STAB2: variants seen among roughly 807,000 people sequenced by gnomAD.
STAB2 encodes the protein stabilin-2.
In STAB2, 288 loss-of-function variants were observed where a neutral mutation model predicts 338.1. That is an observed-to-expected ratio of 0.85 (90% CI 0.77 to 0.94). STAB2 has a LOEUF of 0.94. STAB2 is among the 40% of genes least tolerant of loss of function. The probability of loss-of-function intolerance (pLI) is 0.00; values close to 1 mark genes in which losing one functional copy is unlikely to be tolerated. For synonymous variants in STAB2, 1,202 were observed against 1,193.3 expected, an observed-to-expected ratio of 1.01 and a Z score of -0.15; for missense variants, 3,141 against 3,210.1, an observed-to-expected ratio of 0.98 and a Z score of 0.52.
intron 3 of STAB2, among the ~76,000 whole-genome samples, chr12:103,603,101 C>T (rs1004592557): frequency 2.0e-5 from 3 of 152,134 alleles, no homozygotes; most frequent in Middle Eastern, 3.4e-3. Context: ...GATGGAGTCT[C>T]GCTCTGTTGC....
chr12:103,656,614 T>C (rs1460346360), intron 15 of STAB2, among the ~76,000 whole-genome samples: 3 of 152,168 alleles, frequency 2.0e-5, no homozygotes, highest in Admixed American at 2.0e-4. Flanking sequence ...CACATAGATA[T>C]ATATCCCTTT....
intron 8 of STAB2, among the ~76,000 whole-genome samples, chr12:103,639,720 A>G (rs1421151036): frequency 6.6e-6 from 1 of 151,918 alleles, no homozygotes; most frequent in East Asian, 1.9e-4. Context: ...AAAAAAAAAA[A>G]AAAAAACACT....
chr12:103,713,718 G>A lies in STAB2; in HGVS notation c.4487G>A (p.Arg1496Gln), dbSNP rs141685549. ...ADCKRTTPGR[R>Q]VCTCKAGYTG... ...TGTAAGAGAACCACCCCAGGAAGGC[G>A]AGTGTGCACGTGCAAAGCAGGCTAC... Residue 1496 changes from arginine to glutamine, a missense_variant, in exon 42 of 69, where the codon CGA becomes CAA. Transcript: ENST00000388887. The A allele has an allele frequency of 2.4e-5, 38 of 1,614,086 alleles. No individual in the cohort carries two copies. Among genetic ancestry groups the A allele is most frequent in the African/African-American group, 8.0e-5 (6 of 75,040 alleles).
At chr12:103,690,343 A>G (rs1877817557) in intron 29 of STAB2, 81 bp from the exon 30 acceptor site, 6 of 1,243,690 alleles carry the variant, frequency 4.8e-6, no homozygotes, top group Non-Finnish European at 5.7e-6. Flanking sequence ...ATCTGGCTCC[A>G]GAGCCTATTC....
At chr12:103,670,055 C>T (rs553278638) in intron 21 of STAB2, among the ~76,000 whole-genome samples, 14 of 152,314 alleles carry the variant, frequency 9.2e-5, no homozygotes, top group African/African-American at 3.4e-4. Flanking sequence ...AAACTTAACT[C>T]ATCTAGCTTG....
chr12:103,683,608 T>G (rs1034129624), intron 26 of STAB2, among the ~76,000 whole-genome samples: 3 of 152,242 alleles, frequency 2.0e-5, no homozygotes, highest in Non-Finnish European at 4.4e-5. Context: ...ATTACTCATT[T>G]TTCACCTAAA....
intron 19 of STAB2, among the ~76,000 whole-genome samples, chr12:103,668,309 G>A (rs549443793): frequency 2.6e-5 from 4 of 152,334 alleles, no homozygotes; most frequent in Admixed American, 2.0e-4. Flanking sequence ...TCTTAGGGAT[G>A]GCTATAGATC....
At chr12:103,711,080 A>C (rs985798571) in intron 39 of STAB2, among the ~76,000 whole-genome samples, 4 of 152,242 alleles carry the variant, frequency 2.6e-5, no homozygotes, top group African/African-American at 9.6e-5. Flanking sequence ...CCGGGAATAA[A>C]GTTAGGAATA....
Position 103,667,520 on chromosome 12 carries a change from C to A in STAB2, c.2086-1123C>A, listed in dbSNP as rs1172583046. On this transcript the variant is annotated intron_variant, in intron 19 of 68. Coordinates refer to ENST00000388887, the MANE Select transcript of STAB2 (RefSeq NM_017564.10). ...TGTTTAATCACCATTCTATGATTGTCTCAGCCCAGGGAAAGAGAAGGAAGA... is the reference window on the plus strand; with the variant it reads ...TGTTTAATCACCATTCTATGATTGTATCAGCCCAGGGAAAGAGAAGGAAGA... Among the ~76,000 whole-genome samples, 3 of 151,932 alleles carry A rather than the reference C, an allele frequency of 2.0e-5. No homozygotes were observed. The South Asian group carries it at 6.2e-4, about 31-fold the overall frequency.
intron 57 of STAB2, 151 bp downstream of exon 57, chr12:103,745,428 G>A (rs562947985): frequency 6.6e-5 from 44 of 662,714 alleles, no homozygotes; most frequent in African/African-American, 1.9e-4. Context: ...CTGTAGCCCC[G>A]GGCCTCAGGA....
chr12:103,657,220 G>T (rs1427091713), intron 15 of STAB2, among the ~76,000 whole-genome samples: 1 of 95,632 alleles, frequency 1.0e-5, no homozygotes, highest in African/African-American at 4.4e-5. Flanking sequence ...CATACTTAAA[G>T]TGAGCTAAAA....
chr12:103,624,678 C>T (rs574770274), intron 5 of STAB2, among the ~76,000 whole-genome samples: 6 of 152,296 alleles, frequency 3.9e-5, no homozygotes, highest in South Asian at 2.1e-4. Context: ...CAGTGGCTCA[C>T]GCCTGTAATC....
rs1177063289 is a variant in STAB2 at position 103,670,812 on chromosome 12, G to T, written c.2371+5G>T. On this transcript the variant is annotated splice_donor_5th_base_variant and intron_variant, in intron 22 of 68. Coordinates refer to ENST00000388887, the MANE Select transcript of STAB2 (RefSeq NM_017564.10). ...ACGGACCTCGGTGTAACAAAAGTAAGTGGCACTTCCAGAGCTTCCTTCCAC... is the reference window on the plus strand; with the variant it reads ...ACGGACCTCGGTGTAACAAAAGTAATTGGCACTTCCAGAGCTTCCTTCCAC... 2.5e-6 allele frequency: 4 copies of T among 1,611,306 alleles called. No homozygotes were observed. The Middle Eastern group carries it at 5.0e-4, about 200-fold the overall frequency.
intron 17 of STAB2, 73 bp downstream of exon 17, chr12:103,660,836 A>T (rs1874549481): frequency 6.7e-7 from 1 of 1,483,486 alleles, no homozygotes; most frequent in African/African-American, 1.4e-5. Context: ...TCATCAGGTT[A>T]TCCTGCCTCT....
In STAB2 at chr12:103,735,513, C is replaced by T. The variant is rs1328169244; in HGVS notation, c.5483C>T (p.Thr1828Ile). Residue 1828 changes from threonine to isoleucine, a missense_variant, in exon 52 of 69, where the codon ACA (threonine) becomes ATA (isoleucine). Thr to Ile is a moderately conservative substitution (Grantham distance 89, BLOSUM62 -1). Transcript: ENST00000388887. ...CAGGTTTTAGCTGTGGATCTTCCCACATCCACTGCCTGGAAGACCCTGCAA... is the reference window on the plus strand; with the variant it reads ...CAGGTTTTAGCTGTGGATCTTCCCATATCCACTGCCTGGAAGACCCTGCAA... ...DAKVLAVDLP[T>I]STAWKTLQGS... 6.3e-7 allele frequency: 1 copy of T among 1,589,020 alleles called. No homozygotes were observed. The highest frequency in any genetic ancestry group is 8.6e-7 in the Non-Finnish European group (1 of 1,164,462).
At chr12:103,671,142 G>A (rs2138817022) in intron 22 of STAB2, among the ~76,000 whole-genome samples, 1 of 152,302 alleles carries the variant, frequency 6.6e-6, no homozygotes, top group East Asian at 1.9e-4. Context: ...TGAAGTGATA[G>A]TGGGCTCTAT....
At chr12:103,720,517 T>C (rs1880681081) in intron 44 of STAB2, among the ~76,000 whole-genome samples, 1 of 152,246 alleles carries the variant, frequency 6.6e-6, no homozygotes, top group African/African-American at 2.4e-5. Context: ...TGAAAATTTA[T>C]GAATTTGTAT....
At chr12:103,690,671 A>G in intron 30 of STAB2, 133 bp downstream of exon 30, 1 of 679,150 alleles carries the variant, frequency 1.5e-6, no homozygotes, top group African/African-American at 1.8e-5. Context: ...TCATGTGGGC[A>G]TCACCCAGCT....
intron 33 of STAB2, among the ~76,000 whole-genome samples, chr12:103,697,259 C>A (rs1247972135): frequency 6.6e-6 from 1 of 152,182 alleles, no homozygotes. Context: ...TCTTAGCTCT[C>A]CAACTAGATT....
Sources: gnomAD v4.1 joint callset for allele counts (sites outside exome capture counted in the v4.1 genomes callset) on GRCh38, gnomAD v4.1.1 for gene constraint, MANE v1.5 for transcripts, NCBI Gene and HGNC (gene_info 2026-07-23, HGNC 2026-07-21) for gene names.